The following STK39 variants were observed in gnomAD, a reference collection of about 807,000 sequenced individuals.
STK39 encodes the protein serine/threonine kinase 39.
A neutral mutation model predicts 77.8 loss-of-function variants in STK39; 20 were observed. That is an observed-to-expected ratio of 0.26 (90% CI 0.18 to 0.37). The LOEUF is 0.37. STK39 is among the 10% of genes least tolerant of loss of function. The probability of loss-of-function intolerance (pLI) is 1.00; values close to 1 mark genes in which losing one functional copy is unlikely to be tolerated. For missense variants in STK39, 479 were observed against 656.5 expected (o/e 0.73, Z 2.95); for synonymous variants, 246 against 234.1 (o/e 1.05, Z -0.47).
At chr2:168,161,097 AC>A (rs1688559590) in intron 5 of STK39, among the ~76,000 whole-genome samples, 1 of 152,172 alleles carries the variant, frequency 6.6e-6, no homozygotes, top group Non-Finnish European at 1.5e-5. Context: ...AATGCCAAGA[AC>A]ACTCCCCCAA....
intron 1 of STK39, among the ~76,000 whole-genome samples, chr2:168,241,612 G>A (rs974535802): frequency 1.3e-5 from 2 of 152,188 alleles, no homozygotes; most frequent in African/African-American, 4.8e-5. Context: ...CAGCACAAGA[G>A]TGGGAATAGG....
intron 9 of STK39, 38 bp from the exon 10 acceptor site, chr2:168,129,644 A>G (rs925846): frequency 0.81 from 1,303,302 of 1,613,784 alleles, 526,720 homozygotes; most frequent in Admixed American, 0.85. Flanking sequence ...AACATCAAAT[A>G]TGATACACAT....
intron 1 of STK39, among the ~76,000 whole-genome samples, chr2:168,207,547 C>T (rs2105688595): frequency 6.6e-6 from 1 of 152,236 alleles, no homozygotes; most frequent in East Asian, 1.9e-4. Context: ...TATTCACACA[C>T]AAAGAATACG....
intron 14 of STK39, among the ~76,000 whole-genome samples, chr2:168,019,257 G>A (rs1164705254): frequency 2.0e-5 from 3 of 152,146 alleles, no homozygotes; most frequent in Non-Finnish European, 4.4e-5. Flanking sequence ...CATGGTTTCG[G>A]TTACCCATGT....
chr2:167,961,432 G>A (rs1691957092), intron 17 of STK39, among the ~76,000 whole-genome samples: 2 of 152,168 alleles, frequency 1.3e-5, no homozygotes, highest in African/African-American at 4.8e-5. Flanking sequence ...CAAATTAAGT[G>A]TATCTTATTT....
At chr2:168,026,035 G>A (rs1169146718) in intron 14 of STK39, among the ~76,000 whole-genome samples, 1 of 152,218 alleles carries the variant, frequency 6.6e-6, no homozygotes. Flanking sequence ...GATTTAACAA[G>A]CTGTGTGAAA....
chr2:168,140,435 G>A, intron 6 of STK39, 45 bp from the exon 7 acceptor site: 3 of 1,503,920 alleles, frequency 2.0e-6, no homozygotes, highest in Non-Finnish European at 2.8e-6. Flanking sequence ...CAGCAGGCAT[G>A]TTACACATCA....
chr2:168,145,830 T>C (rs1016169128), intron 5 of STK39, among the ~76,000 whole-genome samples: 1 of 152,102 alleles, frequency 6.6e-6, no homozygotes, highest in Admixed American at 6.5e-5. Context: ...ATTTCTATTA[T>C]CCAAATCTAA....
intron 1 of STK39, among the ~76,000 whole-genome samples, chr2:168,203,977 AAG>A (rs1689677420): frequency 1.3e-5 from 2 of 152,222 alleles, no homozygotes; most frequent in Non-Finnish European, 2.9e-5. Context: ...TGGGAAAAGA[AAG>A]GGGGAAAAAC....
intron 1 of STK39, among the ~76,000 whole-genome samples, chr2:168,236,835 T>C (rs560557836): frequency 6.6e-6 from 1 of 152,300 alleles, no homozygotes; most frequent in East Asian, 1.9e-4. Context: ...AGTACCATGC[T>C]GTTTTGGTTA....
In STK39 at chr2:168,163,844, C is replaced by T. The variant is rs376136352; in HGVS notation, c.467G>A (p.Arg156Gln). ...MLDIIKYIVNRGEHKNGVLEE... is the reference protein window; with the variant it reads ...MLDIIKYIVNQGEHKNGVLEE... ...CAGAACTCCATTCTTGTGTTCTCCT[C>T]GGTTGACAATGTATTTTATGATATC... Residue 156 changes from arginine to glutamine, a missense_variant, in exon 4 of 18, where the codon CGA (arginine) becomes CAA (glutamine). Physicochemically the swap from Arg to Gln is conservative, Grantham distance 43 (BLOSUM62 1). Around this residue, in one of 3 missense-constraint regions of STK39, gnomAD observed 139 missense variants for 280.6 expected, o/e 0.50. Transcript: ENST00000355999. 1.6e-5 allele frequency: 26 copies of T among 1,613,808 alleles called. No homozygotes were observed. In the African/African-American group the frequency reaches 3.1e-4, roughly 19 times the overall value.
intron 1 of STK39, among the ~76,000 whole-genome samples, chr2:168,195,554 G>GA (rs1305310171): frequency 5.3e-5 from 8 of 152,322 alleles, no homozygotes; most frequent in African/African-American, 1.9e-4. Context: ...GTATGTGAAT[G>GA]AAAATCCTGT....
chr2:167,962,925 A>G (rs908285480), intron 17 of STK39, among the ~76,000 whole-genome samples: 1 of 152,162 alleles, frequency 6.6e-6, no homozygotes, highest in Admixed American at 6.5e-5. Context: ...CCGAGATGTG[A>G]AATGGGCCTA....
intron 14 of STK39, among the ~76,000 whole-genome samples, chr2:168,062,354 G>A (rs1358891196): frequency 6.6e-6 from 1 of 152,140 alleles, no homozygotes; most frequent in Admixed American, 6.5e-5. Flanking sequence ...AAACAAAAAG[G>A]GAATGGGCTA....
chr2:168,100,788 A>G (rs1686802945), intron 10 of STK39, among the ~76,000 whole-genome samples: 1 of 152,212 alleles, frequency 6.6e-6, no homozygotes, highest in African/African-American at 2.4e-5. Context: ...GCATTGTGGA[A>G]GACAGTGTGG....
Position 168,063,559 on chromosome 2 carries a change from A to G in STK39, c.1317T>C (p.Asn439=), listed in dbSNP as rs770903279. 6.2e-7 allele frequency: 1 copy of G among 1,612,688 alleles called. No individual in the cohort carries two copies. Residue 439 remains asparagine (N), a synonymous_variant, in exon 14 of 18, where the codon AAT becomes AAC. Coordinates refer to ENST00000355999, the MANE Select transcript of STK39 (RefSeq NM_013233.3). ...AAGCTTCTCTGTAGTCTTCATTAGC[A>G]TTGGGTGGGCCCTTTAAAAAGAAAA... is the stretch of plus-strand genomic sequence containing the variant. ...LSVHDSQGPP[N]ANEDYREASS...
chr2:168,135,304 T>TA (rs1687801749), intron 8 of STK39, among the ~76,000 whole-genome samples: 1 of 151,798 alleles, frequency 6.6e-6, no homozygotes, highest in Non-Finnish European at 1.5e-5. Context: ...TGTGAGTACT[T>TA]AGAGACTCCC....
chr2:168,245,572 T>C (rs1184035446), intron 1 of STK39, among the ~76,000 whole-genome samples: 1 of 152,138 alleles, frequency 6.6e-6, no homozygotes, highest in African/African-American at 2.4e-5. Context: ...CGGAGTGAGA[T>C]TTAGTACACA....
intron 14 of STK39, among the ~76,000 whole-genome samples, chr2:168,036,245 A>G (rs1180406471): frequency 6.6e-6 from 1 of 151,932 alleles, no homozygotes; most frequent in Admixed American, 6.6e-5. Flanking sequence ...CTTGCTGGCC[A>G]TGGTTGAAAG....
Sources: gnomAD v4.1 joint callset for allele counts (sites outside exome capture counted in the v4.1 genomes callset) on GRCh38, gnomAD v4.1.1 for gene constraint, gnomAD v4.1.1 regional missense constraint, MANE v1.5 for transcripts, NCBI Gene and HGNC (gene_info 2026-07-23, HGNC 2026-07-21) for gene names.